ABLIM1: variants seen among roughly 807,000 people sequenced by gnomAD.
ABLIM1 encodes the protein actin-binding LIM protein 1.
ABLIM1 carries 40 observed loss-of-function variants against 107.0 expected under a neutral mutation model. The observed-to-expected ratio is 0.37, with a 90% confidence interval of 0.29 to 0.49. The LOEUF is 0.49. Ranked by LOEUF, ABLIM1 falls within the 20% of genes least tolerant of loss-of-function variation. ABLIM1 has a pLI of 0.97. For missense variants in ABLIM1, 857 were observed against 1,008.5 expected (o/e 0.85, Z 2.04); for synonymous variants, 357 against 357.3 (o/e 1.00, Z 0.01).
At chr10:114,557,028 A>G (rs1304253931) in intron 4 of ABLIM1, among the ~76,000 whole-genome samples, 1 of 152,242 alleles carries the variant, frequency 6.6e-6, no homozygotes, top group Non-Finnish European at 1.5e-5. Flanking sequence ...AAGCAATACA[A>G]GGTCAGAAGA....
intron 15 of ABLIM1, among the ~76,000 whole-genome samples, chr10:114,445,678 T>TCTAA (rs1280225101): frequency 6.6e-6 from 1 of 152,216 alleles, no homozygotes; most frequent in African/African-American, 2.4e-5. Context: ...AGAACTGGGT[T>TCTAA]TGCAACTTAG....
At chr10:114,784,676 A>G in the ABLIM1 span, among the ~76,000 whole-genome samples, 1 of 125,538 alleles carries the variant, frequency 8.0e-6, no homozygotes, top group African/African-American at 3.4e-5. Context: ...AAAAAAAAAA[A>G]AAAAAAAGAA....
chr10:114,572,898 C>G (rs2071904153), intron 3 of ABLIM1, among the ~76,000 whole-genome samples: 2 of 152,338 alleles, frequency 1.3e-5, no homozygotes, highest in African/African-American at 4.8e-5. Flanking sequence ...TGACCCTGCA[C>G]TTGCAGGACC....
Position 114,694,108 on chromosome 10 carries a change from C to T in ABLIM1, c.-213+73953G>A, listed in dbSNP as rs371460636. 9.2e-5 allele frequency among the ~76,000 whole-genome samples: 14 copies of T among 152,284 alleles called. No homozygotes were observed. In the East Asian group the frequency reaches 2.3e-3, roughly 25 times the overall value. On this transcript the variant is annotated intron_variant, in intron 1 of 15. Coordinates refer to the ABLIM1 transcript ENST00000651092. ...AAGTAAATCAATAGAAAATAATATT[C>T]GGTTGATAAAAATTGAATTTATACT...
At chr10:114,497,681 CAAAAAAAAAAAAA>C (rs576676119) in intron 6 of ABLIM1, among the ~76,000 whole-genome samples, 10 of 75,562 alleles carry the variant, frequency 1.3e-4, no homozygotes, top group African/African-American at 4.1e-4. Context: ...GATTCTGTCT[CAAAAAAAAAAAAA>C]AAAAAAAAAA....
the ABLIM1 span, among the ~76,000 whole-genome samples, chr10:114,782,231 A>G: frequency 6.6e-6 from 1 of 152,172 alleles, no homozygotes; most frequent in East Asian, 1.9e-4. Context: ...GCCTCATGCT[A>G]AGAACTTTTT....
intron 5 of ABLIM1, among the ~76,000 whole-genome samples, chr10:114,546,447 C>T (rs1444442175): frequency 1.3e-5 from 2 of 152,102 alleles, no homozygotes; most frequent in East Asian, 1.9e-4. Context: ...GTGCCCACCA[C>T]CATGCCCGGC....
intron 1 of ABLIM1, among the ~76,000 whole-genome samples, chr10:114,713,370 C>T (rs1010054030): frequency 1.3e-5 from 2 of 152,152 alleles, no homozygotes; most frequent in Non-Finnish European, 2.9e-5. Flanking sequence ...CCCTAAGAGA[C>T]AGTGGAGCTG....
rs2077311750 is a variant in ABLIM1 at position 114,619,190 on chromosome 10, CTT to C, written c.245-17231_245-17230del. On this transcript the variant is annotated intron_variant, in intron 1 of 22. Coordinates refer to ENST00000533213, the MANE Select transcript of ABLIM1 (RefSeq NM_002313.7). The surrounding 1 kb of genome is among the most constrained non-coding windows in gnomAD (Gnocchi z 4.1). ...TATTTTTTCTTTTTTTTTTCTTTCT[CTT>C]TCTTTCTTTTCTTTTTTTTTTTGAG... Among the ~76,000 whole-genome samples, 1 of 149,304 alleles carries C rather than the reference CTT, an allele frequency of 6.7e-6. No individual in the cohort carries two copies. Among genetic ancestry groups the C allele is most frequent in the Non-Finnish European group, 1.5e-5 (1 of 67,280 alleles).
At chr10:114,636,107 G>A (rs917277166) in intron 1 of ABLIM1, among the ~76,000 whole-genome samples, 1 of 152,204 alleles carries the variant, frequency 6.6e-6, no homozygotes, top group Non-Finnish European at 1.5e-5. Context: ...ACAGGAGTAG[G>A]CACGGGGTGC....
chr10:114,433,328 G>C lies in ABLIM1; in HGVS notation c.*2932C>G, dbSNP rs982948565. The C allele has an allele frequency of 1.6e-4, 24 of 152,208 alleles. No homozygotes were observed. Among genetic ancestry groups the C allele is most frequent in the African/African-American group, 5.1e-4 (21 of 41,442 alleles). The allele number at this position is 152,208 out of a possible 1,614,324, so 9.4% of individuals were successfully genotyped here. On this transcript the variant is annotated 3_prime_UTR_variant, in exon 23 of 23. Coordinates refer to ENST00000533213, the MANE Select transcript of ABLIM1 (RefSeq NM_002313.7). ...GAGCCCAGTTTAACTAAATGTGCAG[G>C]CATTCTAGCCCACACATTCAATCTG...
At chr10:114,597,659 G>A (rs2075563643) in intron 2 of ABLIM1, among the ~76,000 whole-genome samples, 3 of 152,196 alleles carry the variant, frequency 2.0e-5, no homozygotes, top group African/African-American at 7.2e-5. Flanking sequence ...AATGTCTCGT[G>A]TCAGAGATGG....
At chr10:114,479,019 A>G (rs947774386) in intron 8 of ABLIM1, among the ~76,000 whole-genome samples, 2 of 152,238 alleles carry the variant, frequency 1.3e-5, no homozygotes, top group Non-Finnish European at 2.9e-5. Context: ...TTGGTGCCAA[A>G]TAACAGTTCA....
intron 12 of ABLIM1, among the ~76,000 whole-genome samples, chr10:114,462,294 C>T (rs1358309742): frequency 6.6e-6 from 1 of 152,198 alleles, no homozygotes; most frequent in African/African-American, 2.4e-5. Context: ...TGGTTCAAAT[C>T]AAGTTCGCAC....
Position 114,476,210 on chromosome 10 carries a change from C to G in ABLIM1, c.1042-2254G>C, listed in dbSNP as rs1046558127. Among the ~76,000 whole-genome samples the G allele has an allele frequency of 4.6e-5, 7 of 152,342 alleles. No individual in the cohort carries two copies. The East Asian group carries it at 1.3e-3, about 29-fold the overall frequency. On this transcript the variant is annotated intron_variant, in intron 8 of 22. Transcript: ENST00000533213. ...AGGTGGAGGTGCACCAGGTGCATCA[C>G]TTCTGGGCCTCCTCCCCAGGACCTG... is the stretch of plus-strand genomic sequence containing the variant.
intron 4 of ABLIM1, among the ~76,000 whole-genome samples, chr10:114,564,646 A>G (rs1013839680): frequency 6.6e-6 from 1 of 152,074 alleles, no homozygotes; most frequent in African/African-American, 2.4e-5. Context: ...TGTCATCATA[A>G]CAACTCTTTG....
intron 1 of ABLIM1, among the ~76,000 whole-genome samples, chr10:114,638,714 T>G (rs985631052): frequency 1.3e-5 from 2 of 151,992 alleles, no homozygotes; most frequent in Admixed American, 6.6e-5. Flanking sequence ...TCAACAGGCA[T>G]TTCTAAAAGG....
In ABLIM1 at chr10:114,634,141, T is replaced by C. The variant is rs1030350209; in HGVS notation, c.244+23816A>G. ...TAGCTCAATTTTTCTTTTTTTTTTTTTTTTTTTTTGAGACGGAGTCTTGCT... is the reference window on the plus strand; with the variant it reads ...TAGCTCAATTTTTCTTTTTTTTTTTCTTTTTTTTTGAGACGGAGTCTTGCT... On this transcript the variant is annotated intron_variant, in intron 1 of 22. Transcript: ENST00000533213. Among the ~76,000 whole-genome samples the C allele has an allele frequency of 7.9e-5, 8 of 101,244 alleles. 2 individuals carry two copies. The highest frequency in any genetic ancestry group is 2.8e-4 in the Admixed American group (3 of 10,574). 66.4% of individuals were successfully genotyped at this position (101,244 alleles called of 152,430 possible).
intron 6 of ABLIM1, among the ~76,000 whole-genome samples, chr10:114,533,525 C>A (rs574267972): frequency 4.6e-5 from 7 of 152,294 alleles, no homozygotes; most frequent in Non-Finnish European, 8.8e-5. Context: ...AAATTTCTCA[C>A]CTTGACTACC....
Sources: allele counts gnomAD v4.1 joint callset (sites outside exome capture counted in the v4.1 genomes callset), GRCh38; gene constraint gnomAD v4.1.1; non-coding constraint Gnocchi (gnomAD v3.1); transcripts MANE v1.5; gene names NCBI Gene and HGNC (gene_info 2026-07-23, HGNC 2026-07-21).